MT1A: variants seen among roughly 807,000 people sequenced by gnomAD.
The protein encoded by MT1A is metallothionein-1A.
MT1A carries 6 observed loss-of-function variants against 5.5 expected under a neutral mutation model. The observed-to-expected ratio is 1.09, with a 90% CI of 0.60 to 2.16. The LOEUF (loss-of-function observed/expected upper bound fraction) is 2.16. MT1A is among the 30% of genes most tolerant of loss of function. The pLI is 0.00. For synonymous variants in MT1A, 23 were observed against 24.8 expected (o/e 0.93, Z 0.21); for missense variants, 69 against 73.4 (o/e 0.94, Z 0.22).
rs754674557 is a variant in MT1A at position 56,639,949 on chromosome 16, G to C, written c.185G>C (p.Ter62SerextTer44). Residue 62 changes from the stop codon to serine (S), a stop_lost, in exon 3 of 3, where the codon TGA (stop) becomes TCA (serine). Transcript: ENST00000290705. ...GASEKCSCCA[*>S] ...TCAGAGAAGTGCAGCTGCTGTGCCTGATGTCCGGACAGCCCTGCTCGAAGA... is the reference window on the plus strand; with the variant it reads ...TCAGAGAAGTGCAGCTGCTGTGCCTCATGTCCGGACAGCCCTGCTCGAAGA... The C allele has an allele frequency of 3.7e-6, 6 of 1,614,196 alleles. No homozygotes were observed. Among genetic ancestry groups the C allele is most frequent in the Non-Finnish European group, 5.1e-6 (6 of 1,180,016 alleles).
chr16:56,639,671 G>A (rs1291052208), intron 2 of MT1A, among the ~76,000 whole-genome samples, 188 bp from the exon 3 acceptor site: 1 of 152,178 alleles, frequency 6.6e-6, no homozygotes, highest in South Asian at 2.1e-4. Context: ...GGCTCAGATG[G>A]AGATAAGCTT....
intron 1 of MT1A, 54 bp from the exon 2 acceptor site, chr16:56,639,210 C>T: frequency 6.3e-7 from 1 of 1,591,784 alleles, no homozygotes; most frequent in South Asian, 1.1e-5. Flanking sequence ...CATTTGTTGA[C>T]CAACTGCTGT....
intron 2 of MT1A, among the ~76,000 whole-genome samples, chr16:56,639,598 G>A (rs1409801520): frequency 6.6e-6 from 1 of 152,222 alleles, no homozygotes; most frequent in African/African-American, 2.4e-5. Context: ...GTTCTGGGGA[G>A]CCAGCCTTCC....
At chr16:56,639,733 C>A in intron 2 of MT1A, 126 bp from the exon 3 acceptor site, 1 of 1,254,544 alleles carries the variant, frequency 8.0e-7, no homozygotes, top group Non-Finnish European at 1.1e-6. Flanking sequence ...CCATCTCCGA[C>A]AGTGCATGCC....
chr16:56,639,372 T>C, intron 2 of MT1A, 43 bp downstream of exon 2: 2 of 1,597,760 alleles, frequency 1.3e-6, no homozygotes, highest in Non-Finnish European at 1.7e-6. Flanking sequence ...CTGAGCCAAG[T>C]CAGAGGCAGG....
chr16:56,639,787 C>A, intron 2 of MT1A, 72 bp from the exon 3 acceptor site: 1 of 1,597,902 alleles, frequency 6.3e-7, no homozygotes, highest in South Asian at 1.1e-5. Flanking sequence ...AGAGCTTGGG[C>A]CAGGCTTCTC....
chr16:56,638,807 C>T (rs1168752973), intron 1 of MT1A, 41 bp downstream of exon 1: 2 of 1,611,970 alleles, frequency 1.2e-6, no homozygotes, highest in South Asian at 1.1e-5. Context: ...ATACCTATTT[C>T]CCCGCCACAG....
In MT1A at chr16:56,640,043, T is replaced by G; in HGVS notation, c.*93T>G. On this transcript the variant is annotated 3_prime_UTR_variant, in exon 3 of 3. Transcript: ENST00000290705. ...ACAACCCTGACCCATTTACTGTATTTTTTTTAATGAAATATGTGAATGATA... is the reference window on the plus strand; with the variant it reads ...ACAACCCTGACCCATTTACTGTATTGTTTTTAATGAAATATGTGAATGATA... The G allele has an allele frequency of 2.0e-6, 3 of 1,468,426 alleles. No homozygotes were observed. Among genetic ancestry groups the G allele is most frequent in the Non-Finnish European group, 1.8e-6 (2 of 1,088,890 alleles). The allele number at this position is 1,468,426 out of a possible 1,614,324, so 91.0% of individuals were successfully genotyped here. A position where few individuals can be genotyped will look rare whatever the true frequency, so the allele number is the denominator to read the frequency against.
chr16:56,639,370 A>C, intron 2 of MT1A, 41 bp downstream of exon 2: 1 of 1,597,686 alleles, frequency 6.3e-7, no homozygotes, highest in South Asian at 1.1e-5. Context: ...GGCTGAGCCA[A>C]GTCAGAGGCA....
Position 56,640,031 on chromosome 16 carries a change from A to T in MT1A, c.*81A>T. The T allele has an allele frequency of 6.6e-7, 1 of 1,504,170 alleles. No individual in the cohort carries two copies. The highest frequency in any genetic ancestry group is 9.0e-7 in the Non-Finnish European group (1 of 1,114,062). The allele number at this position is 1,504,170 out of a possible 1,614,324, so 93.2% of individuals were successfully genotyped here. A position where few individuals can be genotyped will look rare whatever the true frequency, so the allele number is the denominator to read the frequency against. On this transcript the variant is annotated 3_prime_UTR_variant, in exon 3 of 3. Coordinates refer to ENST00000290705, the MANE Select transcript of MT1A (RefSeq NM_005946.3). ...TTTTTTTTCCATACAACCCTGACCC[A>T]TTTACTGTATTTTTTTTAATGAAAT...
At chr16:56,639,187 A>C in intron 1 of MT1A, 77 bp from the exon 2 acceptor site, 1 of 1,527,326 alleles carries the variant, frequency 6.5e-7, no homozygotes, top group Non-Finnish European at 9.0e-7. Flanking sequence ...CTGGCAATGC[A>C]CTCAGCTGGC....
chr16:56,640,008 T>C lies in MT1A; in HGVS notation c.*58T>C. The stretch of plus-strand genomic sequence containing the variant: ...GAGTGACCTGCACAAACTTGGAATT[T>C]TTTTTCCATACAACCCTGACCCATT... On this transcript the variant is annotated 3_prime_UTR_variant, in exon 3 of 3. Coordinates refer to ENST00000290705, the MANE Select transcript of MT1A (RefSeq NM_005946.3). 1 of 1,602,416 alleles carries C rather than the reference T, an allele frequency of 6.2e-7. No individual in the cohort carries two copies. Among genetic ancestry groups the C allele is most frequent in the Non-Finnish European group, 8.5e-7 (1 of 1,172,666 alleles).
At chr16:56,639,120 T>C (rs1399508676) in intron 1 of MT1A, 144 bp from the exon 2 acceptor site, 56 of 1,002,836 alleles carry the variant, frequency 5.6e-5, no homozygotes, top group Non-Finnish European at 7.9e-5. Context: ...CCTCTACAGA[T>C]AGAAGTAAGA....
In MT1A at chr16:56,639,921, G is replaced by A. The variant is rs778398463; in HGVS notation, c.157G>A (p.Ala53Thr). 6.2e-6 allele frequency: 10 copies of A among 1,614,088 alleles called. No homozygotes were observed. The highest frequency in any genetic ancestry group is 8.5e-6 in the Non-Finnish European group (10 of 1,180,032). Residue 53 changes from alanine (A) to threonine (T), a missense_variant, in exon 3 of 3, where the codon GCA becomes ACA. Physicochemically the swap from Ala to Thr is moderately conservative, Grantham distance 58 (BLOSUM62 0). Coordinates refer to ENST00000290705, the MANE Select transcript of MT1A (RefSeq NM_005946.3). Reference protein sequence around the residue: ...KCAQGCICKGASEKCSCCA With the variant: ...KCAQGCICKGTSEKCSCCA ...TGCCCAGGGCTGCATCTGCAAAGGG[G>A]CATCAGAGAAGTGCAGCTGCTGTGC...
rs369762819 is a variant in MT1A, at chr16:56,638,708, C to T, written c.-31C>T. 5.5e-5 allele frequency: 88 copies of T among 1,613,926 alleles called. 1 individual carries two copies. Among genetic ancestry groups the T allele is most frequent in the Non-Finnish European group, 6.9e-5 (82 of 1,179,924 alleles). ...CGCCTTATAGCCTCTCAACTTCTTGCTTGGGATCTCCAACCTCACCGCGGC... is the reference window on the plus strand; with the variant it reads ...CGCCTTATAGCCTCTCAACTTCTTGTTTGGGATCTCCAACCTCACCGCGGC... On this transcript the variant is annotated 5_prime_UTR_variant, in exon 1 of 3. Coordinates refer to ENST00000290705, the MANE Select transcript of MT1A (RefSeq NM_005946.3).
At chr16:56,638,796 G>C (rs144351880) in intron 1 of MT1A, 30 bp downstream of exon 1, 1 of 1,613,602 alleles carries the variant, frequency 6.2e-7, no homozygotes, top group African/African-American at 1.3e-5. Flanking sequence ...TGGTCCTTAG[G>C]ATACCTATTT....
At position 56,639,977 on chromosome 16, in the gene MT1A, T is replaced by C. The variant is rs538095542; in HGVS notation, c.*27T>C. 5 of 1,613,346 alleles carry C rather than the reference T, an allele frequency of 3.1e-6. No homozygotes were observed. The highest frequency in any genetic ancestry group is 1.3e-5 in the African/African-American group (1 of 75,002). ...GTCCGGACAGCCCTGCTCGAAGATA[T>C]AGAAAGAGTGACCTGCACAAACTTG... On this transcript the variant is annotated 3_prime_UTR_variant, in exon 3 of 3. Coordinates refer to ENST00000290705, the MANE Select transcript of MT1A (RefSeq NM_005946.3).
At chr16:56,639,225 T>G (rs774727868) in intron 1 of MT1A, 39 bp from the exon 2 acceptor site, 9 of 1,608,058 alleles carry the variant, frequency 5.6e-6, no homozygotes, top group South Asian at 1.1e-5. Context: ...TGCTGTTATC[T>G]TCTGTATAAA....
chr16:56,638,840 G>T, intron 1 of MT1A, 74 bp downstream of exon 1: 1 of 1,576,900 alleles, frequency 6.3e-7, no homozygotes, highest in Non-Finnish European at 8.7e-7. Flanking sequence ...TAGGAGTAGA[G>T]GTGTTTTTTG....
Sources: gnomAD v4.1 joint callset for allele counts (sites outside exome capture counted in the v4.1 genomes callset) on GRCh38, gnomAD v4.1.1 for gene constraint, MANE v1.5 for transcripts, NCBI Gene and HGNC (gene_info 2026-07-23, HGNC 2026-07-21) for gene names.